Variants in CNTNAP5 observed in about 807,000 individuals in gnomAD.
CNTNAP5 encodes the protein contactin associated protein family member 5.
In CNTNAP5, 72 loss-of-function variants were observed where a neutral mutation model predicts 150.2. The observed-to-expected ratio is 0.48, with a 90% CI of 0.40 to 0.58. The LOEUF (loss-of-function observed/expected upper bound fraction) is 0.58. CNTNAP5 is among the 20% of genes least tolerant of loss of function. The pLI, the probability that CNTNAP5 is intolerant of heterozygous loss-of-function variation, is 0.00. For synonymous variants in CNTNAP5, 672 were observed against 619.8 expected, an observed-to-expected ratio of 1.08 and a Z score of -1.25; for missense variants, 1,636 against 1,626.2, an observed-to-expected ratio of 1.01 and a Z score of -0.10.
intron 13 of CNTNAP5, among the ~76,000 whole-genome samples, chr2:124,652,375 C>T (rs924988737): frequency 2.0e-5 from 3 of 152,126 alleles, no homozygotes; most frequent in African/African-American, 7.2e-5. Context: ...ACTCACAGTA[C>T]CTTGTCACAG....
At chr2:124,585,420 G>A (rs750404258) in intron 11 of CNTNAP5, among the ~76,000 whole-genome samples, 1 of 152,148 alleles carries the variant, frequency 6.6e-6, no homozygotes, top group Non-Finnish European at 1.5e-5. Flanking sequence ...CTGTTGAGGG[G>A]CATCAAAGTC....
At chr2:124,600,173 TGAA>T (rs1696951270) in intron 11 of CNTNAP5, among the ~76,000 whole-genome samples, 2 of 150,614 alleles carry the variant, frequency 1.3e-5, no homozygotes, top group Non-Finnish European at 3.0e-5. Context: ...ACACTCCTCA[TGAA>T]GAATAGTAAA....
intron 1 of CNTNAP5, among the ~76,000 whole-genome samples, chr2:124,207,569 G>T (rs1416296480): frequency 6.6e-6 from 1 of 152,144 alleles, no homozygotes; most frequent in East Asian, 1.9e-4. Flanking sequence ...TTGGTTCACG[G>T]GCACTTACCA....
intron 7 of CNTNAP5, among the ~76,000 whole-genome samples, chr2:124,479,098 TTAAAG>T (rs1335142282): frequency 1.3e-5 from 2 of 152,166 alleles, no homozygotes; most frequent in Non-Finnish European, 2.9e-5. Context: ...AACTAACAGC[TTAAAG>T]TAGACATAAA....
chr2:124,090,737 G>A (rs549645151), intron 1 of CNTNAP5, among the ~76,000 whole-genome samples: 1 of 152,266 alleles, frequency 6.6e-6, no homozygotes, highest in Non-Finnish European at 1.5e-5. Flanking sequence ...GCCATGATAC[G>A]AGAAACTTTT....
chr2:124,747,788 CTTTTTTTTTTTTTT>C (rs34959025), intron 14 of CNTNAP5, among the ~76,000 whole-genome samples: 3 of 42,438 alleles, frequency 7.1e-5, no homozygotes, highest in African/African-American at 9.2e-5. Flanking sequence ...CCTAACTCTT[CTTTTTTTTTTTTTT>C]TTTTTTTTTT....
At position 124,742,193 on chromosome 2, in the gene CNTNAP5, T is replaced by G. The variant is rs539169212; in HGVS notation, c.2078-5036T>G. 2.0e-5 allele frequency among the ~76,000 whole-genome samples: 3 copies of G among 152,302 alleles called. No individual in the cohort carries two copies. In the East Asian group the frequency reaches 5.8e-4, roughly 29 times the overall value. ...AGGCAGACCTAAGACAACATACCCT[T>G]ATGCAGTCTGCTCTGCCAAATGGGT... is the stretch of plus-strand genomic sequence containing the variant. On this transcript the variant is annotated intron_variant, in intron 13 of 23. Coordinates refer to ENST00000682447, the MANE Select transcript of CNTNAP5 (RefSeq NM_001367498.1).
intron 13 of CNTNAP5, among the ~76,000 whole-genome samples, chr2:124,668,806 A>C (rs1479354280): frequency 6.6e-6 from 1 of 152,218 alleles, no homozygotes; most frequent in Non-Finnish European, 1.5e-5. Flanking sequence ...GTAAGTGGTC[A>C]TTTGGGTAGA....
intron 1 of CNTNAP5, among the ~76,000 whole-genome samples, chr2:124,145,812 T>TAAAAAAAAAAAAAAAAAAAAAAAAAAAA: frequency 2.2e-4 from 14 of 64,164 alleles, no homozygotes; most frequent in Admixed American, 2.5e-4. Flanking sequence ...AAAAAAACAT[T>TAAAAAAAAAAAAAAAAAAAAAAAAAAAA]AAAAAAAAAA....
At chr2:124,360,039 G>A (rs1246142919) in intron 3 of CNTNAP5, among the ~76,000 whole-genome samples, 1 of 135,350 alleles carries the variant, frequency 7.4e-6, no homozygotes. Flanking sequence ...TTGTTGAATT[G>A]ATCCCTTTAC....
chr2:124,798,849 T>A (rs73955828), intron 19 of CNTNAP5, among the ~76,000 whole-genome samples: 2,241 of 152,236 alleles, frequency 0.015, 51 homozygotes, highest in African/African-American at 0.051. Context: ...GCTTTTTTTT[T>A]AAAGATAATG....
At chr2:124,864,683 T>C (rs2104719547) in intron 19 of CNTNAP5, among the ~76,000 whole-genome samples, 1 of 152,238 alleles carries the variant, frequency 6.6e-6, no homozygotes, top group South Asian at 2.1e-4. Flanking sequence ...AAATGCTGAC[T>C]GAGACCCAGT....
At chr2:124,185,032 G>A (rs189685538) in intron 1 of CNTNAP5, among the ~76,000 whole-genome samples, 4 of 152,248 alleles carry the variant, frequency 2.6e-5, no homozygotes, top group Admixed American at 6.5e-5. Flanking sequence ...CCCATACTCA[G>A]TATCTTCTAT....
intron 3 of CNTNAP5, among the ~76,000 whole-genome samples, chr2:124,344,572 C>T (rs890713327): frequency 3.9e-5 from 6 of 151,924 alleles, no homozygotes; most frequent in African/African-American, 1.2e-4. Context: ...GAATTTAAGA[C>T]CAGCCTGGGC....
rs535967905 is a variant in CNTNAP5, at chr2:124,255,675, T to A, written c.381+13282T>A. On this transcript the variant is annotated intron_variant, in intron 3 of 23. Coordinates refer to ENST00000682447, the MANE Select transcript of CNTNAP5 (RefSeq NM_001367498.1). ...CTTTAAGGCACCAAATTCAGAATCATCCCTATTTGGGGAAACTTAAAAAAT... is the reference window on the plus strand; with the variant it reads ...CTTTAAGGCACCAAATTCAGAATCAACCCTATTTGGGGAAACTTAAAAAAT... Among the ~76,000 whole-genome samples, 9 of 152,150 alleles carry A rather than the reference T, an allele frequency of 5.9e-5. No individual in the cohort carries two copies. In the East Asian group the frequency reaches 1.7e-3, roughly 29 times the overall value.
chr2:124,668,873 G>T (rs1678752744), intron 13 of CNTNAP5, among the ~76,000 whole-genome samples: 2 of 152,144 alleles, frequency 1.3e-5, no homozygotes, highest in South Asian at 4.1e-4. Context: ...GGGAAGGTTA[G>T]GAAGTGCTAG....
chr2:124,442,226 C>T (rs749685902), intron 5 of CNTNAP5, among the ~76,000 whole-genome samples: 1 of 152,088 alleles, frequency 6.6e-6, no homozygotes, highest in Non-Finnish European at 1.5e-5. Context: ...CTCTGCTTCC[C>T]GCAGTGGAGA....
chr2:124,767,150 C>A (rs1225747352), intron 16 of CNTNAP5, among the ~76,000 whole-genome samples: 1 of 152,126 alleles, frequency 6.6e-6, no homozygotes, highest in Non-Finnish European at 1.5e-5. Flanking sequence ...AGGAAATGGC[C>A]TTTTAACAGA....
intron 12 of CNTNAP5, among the ~76,000 whole-genome samples, chr2:124,644,670 A>G (rs1474257946): frequency 6.6e-6 from 1 of 152,178 alleles, no homozygotes; most frequent in Non-Finnish European, 1.5e-5. Context: ...GGACAAGTCT[A>G]AGAGACAGAT....
Sources: gnomAD v4.1 joint callset for allele counts (sites outside exome capture counted in the v4.1 genomes callset) on GRCh38, gnomAD v4.1.1 for gene constraint, MANE v1.5 for transcripts, NCBI Gene and HGNC (gene_info 2026-07-23, HGNC 2026-07-21) for gene names.